EFCAB8: variants seen among roughly 807,000 people sequenced by gnomAD.
EFCAB8 encodes EF-hand calcium binding domain 8, also known as EF-hand calcium-binding domain-containing protein 8.
In EFCAB8, 100 loss-of-function variants were observed where a neutral mutation model predicts 116.3. That is an observed-to-expected ratio of 0.86 (90% CI 0.73 to 1.02). The LOEUF is 1.02. Ranked by LOEUF, EFCAB8 falls within the 50% of genes least tolerant of loss-of-function variation. The pLI is 0.00. For missense variants in EFCAB8, 1,320 were observed against 1,416.9 expected (o/e 0.93, Z 1.10); for synonymous variants, 558 against 567.9 (o/e 0.98, Z 0.25).
At chr20:32,918,700 C>A in intron 19 of EFCAB8, 126 bp downstream of exon 19, 1 of 931,264 alleles carries the variant, frequency 1.1e-6, no homozygotes, top group Non-Finnish European at 1.6e-6. Context: ...TCCCTCAACT[C>A]ACTTGTTTTG....
chr20:32,898,768 G>A (rs148148065), intron 11 of EFCAB8, 145 bp downstream of exon 11: 18 of 606,556 alleles, frequency 3.0e-5, no homozygotes, highest in African/African-American at 1.7e-4. Context: ...GCAGCAGCAC[G>A]GTGAGAACAC....
intron 23 of EFCAB8, among the ~76,000 whole-genome samples, chr20:32,954,356 G>A (rs894058762): frequency 1.3e-5 from 2 of 152,102 alleles, no homozygotes; most frequent in Admixed American, 1.3e-4. Context: ...TGGCAATTCG[G>A]TTTTCCCAAA....
In EFCAB8 at chr20:32,906,576, G is replaced by T. The variant is rs6120033; in HGVS notation, c.1103G>T (p.Arg368Leu). ...ASKKPRLSVLRLRKGILCFDY... is the reference protein window; with the variant it reads ...ASKKPRLSVLLLRKGILCFDY... ...TGATATTGTAGGTTGTCAGTGCTGC[G>T]TTTAAGGAAAGGGATTCTTTGCTTT... The change falls in exon 12 of 27, where the codon CGT (arginine) becomes CTT (leucine). Residue 368 changes from arginine (R) to leucine (L), a missense_variant. Coordinates refer to ENST00000400522, the MANE Select transcript of EFCAB8 (RefSeq NM_001143967.2). 1.3e-5 allele frequency: 9 copies of T among 718,222 alleles called. No individual in the cohort carries two copies. In the East Asian group the frequency reaches 2.4e-4, roughly 19 times the overall value. The allele number at this position is 718,222 out of a possible 1,614,324, so 44.5% of individuals were successfully genotyped here.
In EFCAB8 at chr20:32,961,586, G is replaced by A; in HGVS notation, c.3844G>A (p.Gly1282Arg). The A allele has an allele frequency of 7.4e-6, 10 of 1,352,880 alleles. No individual in the cohort carries two copies. Among genetic ancestry groups the A allele is most frequent in the Non-Finnish European group, 8.6e-6 (9 of 1,051,294 alleles). The allele number at this position is 1,352,880 out of a possible 1,614,324, so 83.8% of individuals were successfully genotyped here. ...LKATFMSSVK[G>R]SSHVRF ...GGCCACCTTCATGTCCTCTGTGAAG[G>A]GGAGCTCCCATGTCAGGTTCTGAGG... The change falls in exon 27 of 27, where the codon GGG (glycine) becomes AGG (arginine). Residue 1282 changes from glycine to arginine, a missense_variant. Physicochemically the swap from Gly to Arg is moderately radical, Grantham distance 125. Coordinates refer to ENST00000400522, the MANE Select transcript of EFCAB8 (RefSeq NM_001143967.2).
At chr20:32,892,631 G>T (rs1274733992) in intron 8 of EFCAB8, among the ~76,000 whole-genome samples, 2 of 152,152 alleles carry the variant, frequency 1.3e-5, no homozygotes, top group Non-Finnish European at 2.9e-5. Context: ...GCAGCTGGAG[G>T]ACTAGGGATT....
Position 32,932,361 on chromosome 20 carries a change from C to T in EFCAB8, c.2790+1025C>T, listed in dbSNP as rs535369513. Among the ~76,000 whole-genome samples the T allele has an allele frequency of 4.3e-5, 6 of 140,148 alleles. No individual in the cohort carries two copies. In the East Asian group the frequency reaches 7.8e-4, roughly 18 times the overall value. The allele number at this position is 140,148 out of a possible 152,430, so 91.9% of individuals were successfully genotyped here. On this transcript the variant is annotated intron_variant, in intron 22 of 26. Transcript: ENST00000400522. ...CGTTGCCCTCCAGCCTGGGCGACAG[C>T]GTGTGACTCTGTCTCAAAAAAAAAA...
chr20:32,917,253 C>T (rs1267461897), intron 17 of EFCAB8, 48 bp from the exon 18 acceptor site: 1 of 1,398,406 alleles, frequency 7.2e-7, no homozygotes. Flanking sequence ...ATGGATGGAG[C>T]ATTACAGGCT....
Position 32,931,248 on chromosome 20 carries a change from T to A in EFCAB8, c.2702T>A (p.Val901Asp). 6.4e-7 allele frequency: 1 copy of A among 1,551,534 alleles called. No homozygotes were observed. The highest frequency in any genetic ancestry group is 8.7e-7 in the Non-Finnish European group (1 of 1,146,918). The part of the protein sequence containing the change: ...QPFQSSGAKV[V>D]SEAHNKFRLL... ...TTCCAATCCAGTGGGGCCAAGGTTG[T>A]CTCTGAAGCACACAACAAGTTCCGG... Residue 901 changes from valine (V) to aspartate (D), a missense_variant, in exon 22 of 27, where the codon GTC becomes GAC. Coordinates refer to ENST00000400522, the MANE Select transcript of EFCAB8 (RefSeq NM_001143967.2).
At chr20:32,918,675 C>A in intron 19 of EFCAB8, 101 bp downstream of exon 19, 1 of 1,242,560 alleles carries the variant, frequency 8.0e-7, no homozygotes, top group Non-Finnish European at 1.1e-6. Flanking sequence ...GTACTTTTTC[C>A]AAAGTGCCTT....
At chr20:32,887,514 C>T (rs1985692846) in intron 6 of EFCAB8, among the ~76,000 whole-genome samples, 1 of 152,170 alleles carries the variant, frequency 6.6e-6, no homozygotes, top group Non-Finnish European at 1.5e-5. Flanking sequence ...GGCAGAGGTT[C>T]CAGTGAGCCG....
rs576302138 is a variant in EFCAB8 at position 32,860,080 on chromosome 20, G to A, written c.-11+1074G>A. Among the ~76,000 whole-genome samples, 111 of 152,306 alleles carry A rather than the reference G, an allele frequency of 7.3e-4. 1 individual carries two copies. The highest frequency in any genetic ancestry group is 2.3e-3 in the African/African-American group (97 of 41,562). On this transcript the variant is annotated intron_variant, in intron 1 of 26. Coordinates refer to ENST00000400522, the MANE Select transcript of EFCAB8 (RefSeq NM_001143967.2). ...AGCACTTTGGGAAGCCAAGGCGGGC[G>A]GAAAGCACTTGAGGCCAAGGAGTTT...
At chr20:32,895,522 A>ATC in intron 9 of EFCAB8, among the ~76,000 whole-genome samples, 1 of 147,238 alleles carries the variant, frequency 6.8e-6, no homozygotes, top group South Asian at 2.2e-4. Flanking sequence ...TTTTTTGTAG[A>ATC]GATGGGTTCT....
At chr20:32,925,429 G>A (rs1987632300) in intron 20 of EFCAB8, among the ~76,000 whole-genome samples, 1 of 152,300 alleles carries the variant, frequency 6.6e-6, no homozygotes. Flanking sequence ...ATGTTGTCCA[G>A]GCTGGTCTTG....
chr20:32,958,638 G>A (rs1989046592), intron 24 of EFCAB8, 88 bp downstream of exon 24: 1 of 405,424 alleles, frequency 2.5e-6, no homozygotes, highest in Non-Finnish European at 4.5e-6. Flanking sequence ...CTCTACCTGG[G>A]TTGGGTAGAG....
At chr20:32,862,015 G>T (rs1984140329) in intron 1 of EFCAB8, among the ~76,000 whole-genome samples, 1 of 151,936 alleles carries the variant, frequency 6.6e-6, no homozygotes, top group South Asian at 2.1e-4. Context: ...AGGTCACTTT[G>T]TAGCGTCCCA....
At chr20:32,867,943 C>A (rs1984509684) in intron 3 of EFCAB8, among the ~76,000 whole-genome samples, 196 bp downstream of exon 3, 1 of 152,054 alleles carries the variant, frequency 6.6e-6, no homozygotes, top group African/African-American at 2.4e-5. Context: ...CTCAAGCGAT[C>A]CTCCTGTCTC....
At chr20:32,904,352 G>T (rs1986573089) in intron 11 of EFCAB8, among the ~76,000 whole-genome samples, 1 of 151,312 alleles carries the variant, frequency 6.6e-6, no homozygotes, top group African/African-American at 2.4e-5. Context: ...CCAGGCTGGA[G>T]TGCAGTGGCA....
intron 24 of EFCAB8, among the ~76,000 whole-genome samples, chr20:32,959,534 G>A (rs1054415948): frequency 2.0e-5 from 3 of 152,220 alleles, no homozygotes; most frequent in Non-Finnish European, 2.9e-5. Context: ...CGGGTGTCAG[G>A]TCTGCATGGT....
intron 1 of EFCAB8, among the ~76,000 whole-genome samples, chr20:32,862,125 ATTTCT>A (rs1222053427): frequency 1.4e-5 from 2 of 142,354 alleles, no homozygotes; most frequent in Non-Finnish European, 3.1e-5. Context: ...TGTTTTTATT[ATTTCT>A]TTTCTTTTTT....
Sources: gnomAD v4.1 joint callset for allele counts (sites outside exome capture counted in the v4.1 genomes callset) on GRCh38, gnomAD v4.1.1 for gene constraint, MANE v1.5 for transcripts, NCBI Gene and HGNC (gene_info 2026-07-23, HGNC 2026-07-21) for gene names.